The following ANKRD28 variants were observed in gnomAD, a reference collection of about 807,000 sequenced individuals.
The protein encoded by ANKRD28 is serine/threonine-protein phosphatase 6 regulatory ankyrin repeat subunit A.
ANKRD28 carries 44 observed loss-of-function variants against 126.5 expected under a neutral mutation model. That is an observed-to-expected ratio of 0.35 (90% CI 0.27 to 0.45). ANKRD28 has a LOEUF of 0.45. ANKRD28 is among the 20% of genes least tolerant of loss of function. The probability of loss-of-function intolerance (pLI) is 1.00; values close to 1 mark genes in which losing one functional copy is unlikely to be tolerated. For missense variants in ANKRD28, 1,110 were observed against 1,316.6 expected (o/e 0.84, Z 2.43); for synonymous variants, 442 against 468.5 (o/e 0.94, Z 0.73).
intron 27 of ANKRD28, among the ~76,000 whole-genome samples, chr3:15,674,174 CAAA>C (rs34806568): frequency 6.5e-4 from 26 of 40,280 alleles, no homozygotes; most frequent in East Asian, 2.4e-3. Context: ...CCTGCCTCTT[CAAA>C]AAAAAAAAAA....
chr3:15,787,157 A>G (rs2059819351), intron 2 of ANKRD28, among the ~76,000 whole-genome samples: 1 of 152,144 alleles, frequency 6.6e-6, no homozygotes, highest in South Asian at 2.1e-4. Context: ...CCTAAAATAC[A>G]CTGGGAATGA....
intron 18 of ANKRD28, among the ~76,000 whole-genome samples, chr3:15,689,466 A>G (rs1199344644): frequency 6.6e-6 from 1 of 152,236 alleles, no homozygotes; most frequent in Non-Finnish European, 1.5e-5. Flanking sequence ...AGAAGGTATC[A>G]GCAAGGAGGC....
chr3:15,721,143 A>T lies in ANKRD28; in HGVS notation c.784-16T>A. ...GTTCATTCATCTATTAGAAGGGAAA[A>T]AAATGCGAATGTTAAAGTAGTTTTG... On this transcript the variant is annotated splice_polypyrimidine_tract_variant and intron_variant, in intron 7 of 27. Transcript: ENST00000683139. The T allele has an allele frequency of 3.8e-6, 6 of 1,594,118 alleles. No homozygotes were observed. The highest frequency in any genetic ancestry group is 5.1e-6 in the Non-Finnish European group (6 of 1,169,632).
intron 1 of ANKRD28, among the ~76,000 whole-genome samples, chr3:15,857,354 C>T (rs914489018): frequency 3.3e-5 from 5 of 152,126 alleles, no homozygotes; most frequent in East Asian, 1.9e-4. Flanking sequence ...GTGCAACCTC[C>T]GCTCACTGCA....
intron 1 of ANKRD28, among the ~76,000 whole-genome samples, chr3:15,821,966 G>A (rs186439936): frequency 3.9e-5 from 6 of 152,268 alleles, no homozygotes; most frequent in African/African-American, 1.4e-4. Context: ...TCATCTGTGT[G>A]TAACAGGTAA....
At chr3:15,715,989 T>C (rs182867728) in intron 8 of ANKRD28, among the ~76,000 whole-genome samples, 205 of 149,370 alleles carry the variant, frequency 1.4e-3, no homozygotes, top group African/African-American at 4.7e-3. Flanking sequence ...GCCTTTTTTT[T>C]CTCTCTTTTT....
chr3:15,730,641 A>G (rs2074512877), intron 6 of ANKRD28, among the ~76,000 whole-genome samples: 1 of 152,242 alleles, frequency 6.6e-6, no homozygotes, highest in African/African-American at 2.4e-5. Flanking sequence ...TTAACTCTTT[A>G]ATCCTGCATA....
At chr3:15,684,469 T>C (rs1405712850) in intron 21 of ANKRD28, 2 of 152,220 alleles carry the variant, frequency 1.3e-5, no homozygotes, top group African/African-American at 4.8e-5. Flanking sequence ...TTACTGGTAA[T>C]ATAAGAATGT....
At chr3:15,790,356 C>T (rs1243629378) in intron 2 of ANKRD28, among the ~76,000 whole-genome samples, 1 of 151,974 alleles carries the variant, frequency 6.6e-6, no homozygotes, top group Non-Finnish European at 1.5e-5. Flanking sequence ...AACTACAGGC[C>T]AGTATCGCTG....
chr3:15,778,611 C>T (rs1437266747), intron 2 of ANKRD28, among the ~76,000 whole-genome samples: 1 of 152,180 alleles, frequency 6.6e-6, no homozygotes, highest in Non-Finnish European at 1.5e-5. Flanking sequence ...CATCAAATCC[C>T]TCTCATACGT....
At chr3:15,754,658 G>T (rs1413715755) in intron 3 of ANKRD28, among the ~76,000 whole-genome samples, 3 of 151,974 alleles carry the variant, frequency 2.0e-5, no homozygotes, top group Non-Finnish European at 4.4e-5. Flanking sequence ...TTCAAAAGGG[G>T]GTACTACTGT....
At chr3:15,778,945 C>A (rs1333712622) in intron 2 of ANKRD28, among the ~76,000 whole-genome samples, 2 of 152,136 alleles carry the variant, frequency 1.3e-5, no homozygotes, top group Non-Finnish European at 2.9e-5. Context: ...GTAGCATTTG[C>A]CCTGCTGGCA....
At chr3:15,783,861 A>C (rs996079039) in intron 2 of ANKRD28, among the ~76,000 whole-genome samples, 2 of 152,008 alleles carry the variant, frequency 1.3e-5, no homozygotes, top group African/African-American at 4.8e-5. Context: ...TATCCCCCAA[A>C]ATATATCAAG....
At chr3:15,729,512 A>T (rs774076766) in intron 6 of ANKRD28, among the ~76,000 whole-genome samples, 6 of 152,200 alleles carry the variant, frequency 3.9e-5, no homozygotes, top group Non-Finnish European at 8.8e-5. Flanking sequence ...CCAAATATAT[A>T]CTTTCAGAAG....
chr3:15,695,733 T>G (rs1238083595), intron 15 of ANKRD28, among the ~76,000 whole-genome samples: 1 of 152,060 alleles, frequency 6.6e-6, no homozygotes, highest in Non-Finnish European at 1.5e-5. Context: ...TCTCCCTTGT[T>G]AGGAGGGGTT....
chr3:15,857,906 A>C (rs955800171), intron 1 of ANKRD28, among the ~76,000 whole-genome samples: 2 of 152,246 alleles, frequency 1.3e-5, no homozygotes, highest in African/African-American at 2.4e-5. Flanking sequence ...ATGGAAGCAC[A>C]AAGTGCCATT....
intron 1 of ANKRD28, among the ~76,000 whole-genome samples, 190 bp from the exon 2 acceptor site, chr3:15,795,496 TA>T (rs888296367): frequency 1.2e-3 from 172 of 147,232 alleles, no homozygotes; most frequent in African/African-American, 3.7e-3. Context: ...AAGGCCTAAT[TA>T]AAAAAAAAAA....
chr3:15,725,544 T>A (rs1553608386), intron 6 of ANKRD28, among the ~76,000 whole-genome samples: 1 of 151,956 alleles, frequency 6.6e-6, no homozygotes, highest in Non-Finnish European at 1.5e-5. Context: ...TGAAAGTTTG[T>A]GGCAACCCGG....
rs147710728 is a variant in ANKRD28 at position 15,720,218 on chromosome 3, CA to C, written c.996+696del. Reference sequence around the variant, plus strand: ...TGCTTACTCTTGAAAGTGATTCTAACAAAAAAAAACCAAAAAGCAACTATTC... The same window carrying C: ...TGCTTACTCTTGAAAGTGATTCTAACAAAAAAAACCAAAAAGCAACTATTC... On this transcript the variant is annotated intron_variant, in intron 8 of 27. Transcript: ENST00000683139. 3.8e-4 allele frequency among the ~76,000 whole-genome samples: 57 copies of C among 150,800 alleles called. No individual in the cohort carries two copies. The East Asian group carries it at 4.5e-3, about 12-fold the overall frequency.
Sources: allele counts gnomAD v4.1 joint callset (sites outside exome capture counted in the v4.1 genomes callset), GRCh38; gene constraint gnomAD v4.1.1; transcripts MANE v1.5; gene names NCBI Gene and HGNC (gene_info 2026-07-23, HGNC 2026-07-21).